The following GXYLT2 variants were observed in gnomAD, a reference collection of about 807,000 sequenced individuals.
The protein encoded by GXYLT2 is glucoside xylosyltransferase 2, also known as glycosyltransferase 8 domain containing 4.
GXYLT2 carries 53 observed loss-of-function variants against 45.8 expected under a neutral mutation model. The observed-to-expected ratio is 1.16, with a 90% confidence interval of 0.93 to 1.46. The LOEUF (loss-of-function observed/expected upper bound fraction) is 1.46, where lower values mean the gene tolerates loss of function less well. GXYLT2 is among the 40% of genes most tolerant of loss of function. The pLI is 0.00. For missense variants in GXYLT2, 551 were observed against 544.4 expected, an observed-to-expected ratio of 1.01 and a Z score of -0.12; for synonymous variants, 219 against 214.2, an observed-to-expected ratio of 1.02 and a Z score of -0.19.
intron 1 of GXYLT2, among the ~76,000 whole-genome samples, chr3:72,897,197 G>A: frequency 6.6e-6 from 1 of 152,180 alleles, no homozygotes. Context: ...TCATCTGTTT[G>A]TATCACTTAG....
chr3:72,932,376 G>A (rs753497338), intron 3 of GXYLT2, among the ~76,000 whole-genome samples: 9 of 152,136 alleles, frequency 5.9e-5, no homozygotes, highest in Non-Finnish European at 1.0e-4. Context: ...TAGTGTCATT[G>A]GCAACACAAA....
intron 3 of GXYLT2, among the ~76,000 whole-genome samples, chr3:72,936,310 AAAAAAG>A (rs1275278985): frequency 6.6e-6 from 1 of 151,464 alleles, no homozygotes; most frequent in Non-Finnish European, 1.5e-5. Context: ...GAAAAAAAAA[AAAAAAG>A]AAAAAGAAGA....
chr3:72,920,967 G>A (rs753666828), intron 2 of GXYLT2, among the ~76,000 whole-genome samples: 4 of 151,430 alleles, frequency 2.6e-5, no homozygotes, highest in Non-Finnish European at 4.4e-5. Flanking sequence ...GATTACAGGC[G>A]CCCACCACCA....
chr3:72,927,638 T>C (rs2107108272), intron 3 of GXYLT2, among the ~76,000 whole-genome samples: 1 of 152,318 alleles, frequency 6.6e-6, no homozygotes, highest in South Asian at 2.1e-4. Context: ...TATTAACAAA[T>C]ATTGACACAC....
intron 2 of GXYLT2, among the ~76,000 whole-genome samples, chr3:72,910,721 G>A (rs557158348): frequency 2.0e-5 from 3 of 152,346 alleles, no homozygotes; most frequent in African/African-American, 7.2e-5. Context: ...GCAGGAAAGA[G>A]ACTAGAGAGT....
intron 5 of GXYLT2, among the ~76,000 whole-genome samples, chr3:72,962,961 A>G (rs907691870): frequency 3.7e-5 from 4 of 108,840 alleles, no homozygotes; most frequent in Non-Finnish European, 4.8e-5. Flanking sequence ...CATTAAAAAA[A>G]AAAAACAAAA....
At chr3:72,952,005 CTTT>C (rs34302153) in intron 3 of GXYLT2, among the ~76,000 whole-genome samples, 8 of 130,972 alleles carry the variant, frequency 6.1e-5, no homozygotes, top group Non-Finnish European at 6.6e-5. Flanking sequence ...CCATGCCCAG[CTTT>C]TTTTTTTTTT....
intron 3 of GXYLT2, among the ~76,000 whole-genome samples, chr3:72,931,328 C>T (rs751458341): frequency 1.4e-4 from 21 of 151,784 alleles, no homozygotes; most frequent in Non-Finnish European, 2.8e-4. Flanking sequence ...CCCAGGTTCA[C>T]CCCCCATTCT....
At chr3:72,923,606 G>A (rs918493002) in intron 3 of GXYLT2, among the ~76,000 whole-genome samples, 5 of 152,156 alleles carry the variant, frequency 3.3e-5, no homozygotes, top group Non-Finnish European at 7.4e-5. Flanking sequence ...AGGGTGCTGG[G>A]CCCTGGCTCA....
In GXYLT2 at chr3:72,975,369, G is replaced by GC. The variant is rs1553642677; in HGVS notation, c.*210_*211insC. The stretch of plus-strand genomic sequence containing the variant: ...TTCTAAAATGCTATTTATCTCTAAG[G>GC]AAAAAAAAAAAAGACTATTACTCAT... On this transcript the variant is annotated 3_prime_UTR_variant, in exon 7 of 7. Transcript: ENST00000389617. 2 of 329,964 alleles carry GC rather than the reference G, an allele frequency of 6.1e-6. No homozygotes were observed. Among genetic ancestry groups the GC allele is most frequent in the Non-Finnish European group, 1.1e-5 (2 of 186,010 alleles). 20.4% of individuals were successfully genotyped at this position (329,964 alleles called of 1,614,324 possible). A position where few individuals can be genotyped will look rare whatever the true frequency, so the allele number is the denominator to read the frequency against.
chr3:72,960,652 T>C (rs998851163), intron 5 of GXYLT2, among the ~76,000 whole-genome samples: 18 of 152,348 alleles, frequency 1.2e-4, no homozygotes, highest in African/African-American at 4.3e-4. Flanking sequence ...CAGCCTGCAT[T>C]TGATCTTCCT....
intron 3 of GXYLT2, among the ~76,000 whole-genome samples, chr3:72,944,498 G>A (rs1181774528): frequency 2.6e-5 from 4 of 151,652 alleles, no homozygotes; most frequent in Admixed American, 2.6e-4. Context: ...CGAGTGATCC[G>A]CCCGCCTCAG....
At position 72,922,319 on chromosome 3, in the gene GXYLT2, A is replaced by G. The variant is rs762316278; in HGVS notation, c.584A>G (p.Gln195Arg). The change falls in exon 3 of 7, where the codon CAG (glutamine) becomes CGG (arginine). Residue 195 changes from glutamine to arginine, a missense_variant. Coordinates refer to ENST00000389617, the MANE Select transcript of GXYLT2 (RefSeq NM_001080393.2). ...AAATTGTTCAAACCCTGTGCTGCCC[A>G]GAGACTCTTTCTTCCGGTAGGAACA... ...WKKLFKPCAA[Q>R]RLFLPVILKD... 5.6e-6 allele frequency: 9 copies of G among 1,612,148 alleles called. No homozygotes were observed.
At chr3:72,918,496 G>A (rs1468957715) in intron 2 of GXYLT2, among the ~76,000 whole-genome samples, 1 of 152,046 alleles carries the variant, frequency 6.6e-6, no homozygotes, top group Non-Finnish European at 1.5e-5. Flanking sequence ...ATAATTCTTA[G>A]AATTGTTGTA....
At chr3:72,908,310 G>C (rs569695658) in intron 1 of GXYLT2, 57 bp from the exon 2 acceptor site, 1 of 1,347,144 alleles carries the variant, frequency 7.4e-7, no homozygotes, top group South Asian at 1.4e-5. Context: ...CCGGTTTTTT[G>C]TTGTTTTTAC....
At chr3:72,966,458 C>CT (rs10662974) in intron 5 of GXYLT2, among the ~76,000 whole-genome samples, 60,118 of 100,714 alleles carry the variant, frequency 0.6, 20,177 homozygotes, top group Middle Eastern at 0.81. Context: ...TTGTGTGTAT[C>CT]TTTTTTTTTT....
At chr3:72,938,201 A>G (rs1190661463) in intron 3 of GXYLT2, among the ~76,000 whole-genome samples, 1 of 152,208 alleles carries the variant, frequency 6.6e-6, no homozygotes, top group Non-Finnish European at 1.5e-5. Flanking sequence ...AACTCTTTTG[A>G]TGGATGAATG....
intron 1 of GXYLT2, among the ~76,000 whole-genome samples, chr3:72,896,433 A>G (rs1048955336): frequency 3.9e-5 from 6 of 152,240 alleles, no homozygotes; most frequent in African/African-American, 1.2e-4. Flanking sequence ...TATCTTTTAA[A>G]AAAGATGCAG....
intron 3 of GXYLT2, among the ~76,000 whole-genome samples, chr3:72,935,521 C>A (rs964914839): frequency 5.3e-5 from 8 of 152,186 alleles, no homozygotes; most frequent in Non-Finnish European, 1.2e-4. Context: ...GAAGACATCA[C>A]ATATAATGGA....
Sources: allele counts gnomAD v4.1 joint callset (sites outside exome capture counted in the v4.1 genomes callset), GRCh38; gene constraint gnomAD v4.1.1; transcripts MANE v1.5; gene names NCBI Gene and HGNC (gene_info 2026-07-23, HGNC 2026-07-21).